The following SUN1 variants were observed in gnomAD, a reference collection of about 807,000 sequenced individuals.
SUN1 encodes SUN domain-containing protein 1.
Under a neutral mutation model 103.2 loss-of-function variants are expected in SUN1, and 61 were observed. The observed-to-expected ratio is 0.59, with a 90% CI of 0.48 to 0.73. The LOEUF (loss-of-function observed/expected upper bound fraction) is 0.73. Among genes scored for constraint, SUN1 ranks in the 30% least tolerant of loss-of-function variants. SUN1 has a pLI of 0.00. For missense variants in SUN1, 1,052 were observed against 1,034.6 expected, an observed-to-expected ratio of 1.02 and a Z score of -0.23; for synonymous variants, 490 against 425.7, an observed-to-expected ratio of 1.15 and a Z score of -1.86.
At chr7:872,397 TG>T in intron 17 of SUN1, 72 bp from the exon 18 acceptor site, 1 of 1,273,110 alleles carries the variant, frequency 7.9e-7, no homozygotes, top group Non-Finnish European at 1.1e-6. Flanking sequence ...GTGCTGGCTG[TG>T]GAAGGGAACG....
chr7:819,802 A>G (rs1346547525), intron 1 of SUN1, among the ~76,000 whole-genome samples: 2 of 141,278 alleles, frequency 1.4e-5, no homozygotes, highest in African/African-American at 2.7e-5. Context: ...TCCGCCTCCC[A>G]GGTTCAAACG....
intron 5 of SUN1, chr7:849,727 C>A: frequency 1.7e-6 from 2 of 1,179,946 alleles, no homozygotes; most frequent in Non-Finnish European, 2.5e-6. Context: ...CTGATGACGA[C>A]GGGCTGTTGG....
At chr7:841,815 A>G in intron 2 of SUN1, 131 bp from the exon 3 acceptor site, 1 of 923,858 alleles carries the variant, frequency 1.1e-6, no homozygotes, top group Admixed American at 2.6e-5. Flanking sequence ...ATTACAGCAG[A>G]AAAGGCATAG....
chr7:841,987 G>A lies in SUN1; in HGVS notation c.308G>A (p.Ser103Asn), dbSNP rs771856676. The change falls in exon 3 of 19, where the codon AGT becomes AAT. Residue 103 changes from serine (S) to asparagine (N), a missense_variant. Around this residue, in one of 2 missense-constraint regions of SUN1, gnomAD observed 846 missense variants for 774.5 expected, o/e 1.09. Transcript: ENST00000401592. ...QRRSTNKSAF[S>N]INHVSRQVTS... The stretch of plus-strand genomic sequence containing the variant: ...AGAAGCACAAACAAATCAGCTTTTA[G>A]TATCAACCACGTGTCAAGGCAGGTC... 1.4e-5 allele frequency: 23 copies of A among 1,614,146 alleles called. No homozygotes were observed. The highest frequency in any genetic ancestry group is 1.9e-5 in the Non-Finnish European group (23 of 1,180,040).
intron 16 of SUN1, among the ~76,000 whole-genome samples, chr7:867,349 T>C (rs1290676693): frequency 1.3e-5 from 2 of 152,268 alleles, no homozygotes; most frequent in Middle Eastern, 3.2e-3. Context: ...ACCGGCACAG[T>C]CTGTGTCACC....
intron 13 of SUN1, 73 bp from the exon 14 acceptor site, chr7:860,055 A>G (rs543922783): frequency 2.1e-4 from 326 of 1,556,928 alleles, no homozygotes; most frequent in Non-Finnish European, 2.7e-4. Flanking sequence ...TGAGGTATCT[A>G]AGATAATGGA....
At chr7:865,569 C>T (rs1418021131) in intron 15 of SUN1, among the ~76,000 whole-genome samples, 2 of 152,234 alleles carry the variant, frequency 1.3e-5, no homozygotes, top group Non-Finnish European at 2.9e-5. Flanking sequence ...GGTCTGCCTT[C>T]AGTAGACTGC....
rs747459970 is a variant in SUN1 at position 842,010 on chromosome 7, G to A, written c.331G>A (p.Val111Ile). 1 of 1,614,054 alleles carries A rather than the reference G, an allele frequency of 6.2e-7. No individual in the cohort carries two copies. The highest frequency in any genetic ancestry group is 1.3e-5 in the African/African-American group (1 of 74,892). The change falls in exon 3 of 19, where the codon GTC becomes ATC. Residue 111 changes from valine (V) to isoleucine (I), a missense_variant. This residue lies in a region of SUN1 where 846 missense variants were observed against 774.5 expected (regional missense o/e 1.09). Transcript: ENST00000401592. The part of the protein sequence containing the change: ...AFSINHVSRQ[V>I]TSSGVSHGGT... ...TAGTATCAACCACGTGTCAAGGCAG[G>A]TCACGTCCTCTGGCGTCAGCCACGG...
At chr7:840,638 T>A (rs923260440) in intron 2 of SUN1, among the ~76,000 whole-genome samples, 2 of 111,554 alleles carry the variant, frequency 1.8e-5, no homozygotes, top group African/African-American at 3.7e-5. Context: ...GACCATCTAT[T>A]CTTTTTTTTT....
rs1436500544 is a variant in SUN1 at position 838,910 on chromosome 7, A to C, written c.190A>C (p.Thr64Pro). 1 of 1,611,308 alleles carries C rather than the reference A, an allele frequency of 6.2e-7. No individual in the cohort carries two copies. Among genetic ancestry groups the C allele is most frequent in the Non-Finnish European group, 8.5e-7 (1 of 1,179,268 alleles). Residue 64 changes from threonine to proline, a missense_variant, in exon 2 of 19, where the codon ACC becomes CCC. Coordinates refer to ENST00000401592, the MANE Select transcript of SUN1 (RefSeq NM_001130965.3). ...TTTGCGCCTGGCCACGACAGCATGCACCCTGGGGGATGGTGAGGCTGTGGG... is the reference window on the plus strand; with the variant it reads ...TTTGCGCCTGGCCACGACAGCATGCCCCCTGGGGGATGGTGAGGCTGTGGG... The part of the protein sequence containing the change: ...RSLRLATTAC[T>P]LGDGEAVGAD...
chr7:838,170 G>A (rs1285228054), intron 1 of SUN1, among the ~76,000 whole-genome samples: 1 of 152,206 alleles, frequency 6.6e-6, no homozygotes, highest in African/African-American at 2.4e-5. Flanking sequence ...CTCCTGCCTA[G>A]GCCTCCCTAA....
intron 2 of SUN1, chr7:839,195 C>A: frequency 2.1e-6 from 1 of 487,200 alleles, no homozygotes; most frequent in Non-Finnish European, 3.5e-6. Flanking sequence ...TGTGGCTTGT[C>A]TAGTATTGAT....
upstream of SUN1, chr7:831,028 T>C: frequency 2.0e-6 from 2 of 985,400 alleles, no homozygotes; most frequent in Non-Finnish European, 2.4e-6. Flanking sequence ...GCCGGGCTCC[T>C]CTGCGTGTGG....
chr7:851,299 G>A, intron 5 of SUN1, 85 bp from the exon 6 acceptor site: 7 of 1,201,278 alleles, frequency 5.8e-6, no homozygotes, highest in Non-Finnish European at 7.1e-6. Flanking sequence ...GGTGAAGTGT[G>A]TGGCTTGGGC....
At position 841,969 on chromosome 7, in the gene SUN1, C is replaced by A; in HGVS notation, c.290C>A (p.Thr97Lys). The A allele has an allele frequency of 6.2e-7, 1 of 1,614,130 alleles. No homozygotes were observed. Among genetic ancestry groups the A allele is most frequent in the Non-Finnish European group, 8.5e-7 (1 of 1,180,026 alleles). Reference protein sequence around the residue: ...AARTTKQRRSTNKSAFSINHV... With the variant: ...AARTTKQRRSKNKSAFSINHV... ...AGAACAACAAAACAGCGCAGAAGCA[C>A]AAACAAATCAGCTTTTAGTATCAAC... The change falls in exon 3 of 19, where the codon ACA becomes AAA. Residue 97 changes from threonine (T) to lysine (K), a missense_variant. Around this residue, in one of 2 missense-constraint regions of SUN1, gnomAD observed 846 missense variants for 774.5 expected, o/e 1.09. Coordinates refer to ENST00000401592, the MANE Select transcript of SUN1 (RefSeq NM_001130965.3).
rs567392186 is a variant in SUN1, at chr7:845,628, A to T, written c.658+2108A>T. Among the ~76,000 whole-genome samples the T allele has an allele frequency of 4.6e-5, 7 of 152,166 alleles. No homozygotes were observed. The East Asian group carries it at 1.3e-3, about 29-fold the overall frequency. On this transcript the variant is annotated intron_variant, in intron 5 of 18. Transcript: ENST00000401592. ...GTTTGCATAATCATATTTACTTAAA[A>T]TAAGTATAGCTTTCCTTAAGTATAA...
chr7:871,343 T>C (rs978201699), intron 17 of SUN1, among the ~76,000 whole-genome samples: 1 of 152,192 alleles, frequency 6.6e-6, no homozygotes, highest in Non-Finnish European at 1.5e-5. Context: ...ATACTTTCCA[T>C]TGTTGCTCTT....
intron 1 of SUN1, among the ~76,000 whole-genome samples, chr7:835,252 C>A (rs1323083645): frequency 6.6e-6 from 1 of 151,156 alleles, no homozygotes; most frequent in Non-Finnish European, 1.5e-5. Flanking sequence ...CACGGGTTCC[C>A]CAGCCCGCTG....
Position 853,538 on chromosome 7 carries a change from G to C in SUN1, c.1183G>C (p.Ala395Pro). 1.2e-6 allele frequency: 2 copies of C among 1,613,376 alleles called. No homozygotes were observed. The highest frequency in any genetic ancestry group is 8.5e-7 in the Non-Finnish European group (1 of 1,180,046). Reference sequence around the variant, plus strand: ...GACCACTTTGCTACAGAAGCTGCAGGCTCGGGTGGACCAGATGGAAGGCGG... The same window carrying C: ...GACCACTTTGCTACAGAAGCTGCAGCCTCGGGTGGACCAGATGGAAGGCGG... ...ELTTLLQKLQ[A>P]RVDQMEGGAA... Residue 395 changes from alanine (A) to proline (P), a missense_variant, in exon 10 of 19, where the codon GCT becomes CCT. Physicochemically the swap from Ala to Pro is conservative, Grantham distance 27. Transcript: ENST00000401592.
Sources: allele counts gnomAD v4.1 joint callset (sites outside exome capture counted in the v4.1 genomes callset), GRCh38; gene constraint gnomAD v4.1.1; regional missense constraint gnomAD v4.1.1; transcripts MANE v1.5; gene names NCBI Gene and HGNC (gene_info 2026-07-23, HGNC 2026-07-21).